CADM2: variants seen among roughly 807,000 people sequenced by gnomAD.
CADM2 encodes cell adhesion molecule 2, also known as immunoglobulin superfamily member 4D.
A neutral mutation model predicts 49.8 loss-of-function variants in CADM2; 12 were observed. That is an observed-to-expected ratio of 0.24 (90% CI 0.15 to 0.39). CADM2 has a LOEUF of 0.39. CADM2 is among the 10% of genes least tolerant of loss of function. CADM2 has a pLI of 1.00. For missense variants in CADM2, 378 were observed against 492.3 expected, an observed-to-expected ratio of 0.77 and a Z score of 2.20; for synonymous variants, 214 against 175.4, an observed-to-expected ratio of 1.22 and a Z score of -1.74.
chr3:85,368,149 T>A (rs978096027), intron 1 of CADM2, among the ~76,000 whole-genome samples: 1 of 152,100 alleles, frequency 6.6e-6, no homozygotes, highest in Non-Finnish European at 1.5e-5. Context: ...ATTTTGTGTT[T>A]GACCAGAGCC....
At chr3:86,025,327 G>A (rs1733755980) in intron 8 of CADM2, among the ~76,000 whole-genome samples, 1 of 152,128 alleles carries the variant, frequency 6.6e-6, no homozygotes, top group East Asian at 1.9e-4. Context: ...AAAGTGCAGG[G>A]ATTACAGGCA....
chr3:85,040,416 C>A (rs557486190), intron 1 of CADM2, among the ~76,000 whole-genome samples: 1 of 152,016 alleles, frequency 6.6e-6, no homozygotes, highest in East Asian at 1.9e-4. Flanking sequence ...CTGCTGTTAC[C>A]TGCAACTGAA....
intron 1 of CADM2, among the ~76,000 whole-genome samples, chr3:85,519,466 G>T (rs1389117325): frequency 6.6e-6 from 1 of 151,716 alleles, no homozygotes; most frequent in Non-Finnish European, 1.5e-5. Flanking sequence ...ATATAACCTG[G>T]TTCTTCCACT....
chr3:85,622,127 G>A (rs974264300), intron 1 of CADM2, among the ~76,000 whole-genome samples: 1 of 152,172 alleles, frequency 6.6e-6, no homozygotes, highest in Non-Finnish European at 1.5e-5. Context: ...GGAAACTATA[G>A]ATTCTTACAA....
intron 8 of CADM2, among the ~76,000 whole-genome samples, chr3:86,046,992 A>T (rs1736764036): frequency 2.0e-5 from 3 of 151,980 alleles, no homozygotes; most frequent in South Asian, 4.1e-4. Context: ...AAATTTGGGT[A>T]TTCTATAATA....
chr3:85,221,049 A>AGTAAAGAAT (rs1333759536), intron 1 of CADM2, among the ~76,000 whole-genome samples: 1 of 152,180 alleles, frequency 6.6e-6, no homozygotes, highest in Non-Finnish European at 1.5e-5. Flanking sequence ...TAATGCCCAG[A>AGTAAAGAAT]GTAAAGAATC....
At chr3:85,192,348 G>A (rs2041229279) in intron 1 of CADM2, among the ~76,000 whole-genome samples, 1 of 151,928 alleles carries the variant, frequency 6.6e-6, no homozygotes, top group African/African-American at 2.4e-5. Context: ...ATTTCTGTAT[G>A]TCATGTTGAC....
At position 84,996,105 on chromosome 3, in the gene CADM2, GT is replaced by G. The variant is rs1252794631; in HGVS notation, c.61+36440del. 5.3e-5 allele frequency among the ~76,000 whole-genome samples: 8 copies of G among 152,234 alleles called. No individual in the cohort carries two copies. The East Asian group carries it at 1.5e-3, about 29-fold the overall frequency. ...CCCAACCCTGTTTGCTGCTGGGATT[GT>G]TTAGTTCATGAGTCCAGGGTTTCAG... On this transcript the variant is annotated intron_variant, in intron 1 of 9. Transcript: ENST00000383699.
chr3:85,430,680 G>T (rs1220998130), intron 1 of CADM2, among the ~76,000 whole-genome samples: 1 of 146,388 alleles, frequency 6.8e-6, no homozygotes, highest in African/African-American at 2.5e-5. Context: ...GAAAGACAGA[G>T]AAAAGAAACA....
chr3:85,278,197 A>C (rs1365045120), intron 1 of CADM2, among the ~76,000 whole-genome samples: 1 of 151,314 alleles, frequency 6.6e-6, no homozygotes, highest in Non-Finnish European at 1.5e-5. Context: ...ACTAAAGATA[A>C]ATTTATTATT....
chr3:85,102,762 A>G (rs2038060590), intron 1 of CADM2, among the ~76,000 whole-genome samples: 1 of 152,178 alleles, frequency 6.6e-6, no homozygotes, highest in Admixed American at 6.6e-5. Flanking sequence ...AGTTTATAGA[A>G]TAAGATAAAC....
chr3:85,008,397 A>T (rs1417048244), intron 1 of CADM2, among the ~76,000 whole-genome samples: 2 of 152,138 alleles, frequency 1.3e-5, no homozygotes, highest in Non-Finnish European at 2.9e-5. Flanking sequence ...TGCATGTTGA[A>T]TTACCTTACA....
intron 6 of CADM2, among the ~76,000 whole-genome samples, chr3:85,918,607 A>G (rs1156769461): frequency 6.6e-6 from 1 of 152,122 alleles, no homozygotes; most frequent in Non-Finnish European, 1.5e-5. Context: ...ATATTGGTCT[A>G]AAATTCTCTT....
intron 7 of CADM2, among the ~76,000 whole-genome samples, chr3:85,950,728 A>AT (rs1295024701): frequency 6.6e-6 from 1 of 151,070 alleles, no homozygotes; most frequent in Non-Finnish European, 1.5e-5. Context: ...ATAGAAGTCC[A>AT]TTTTTTATTT....
intron 1 of CADM2, among the ~76,000 whole-genome samples, chr3:85,118,495 A>G (rs947841550): frequency 2.6e-5 from 4 of 152,116 alleles, no homozygotes; most frequent in Non-Finnish European, 5.9e-5. Flanking sequence ...AGGCAAAGAG[A>G]GAGCCTGTGC....
intron 1 of CADM2, among the ~76,000 whole-genome samples, chr3:85,691,724 C>G (rs185249005): frequency 1.2e-4 from 19 of 152,172 alleles, no homozygotes; most frequent in African/African-American, 3.4e-4. Context: ...TGGAACCAAC[C>G]CAAATGTCCA....
intron 1 of CADM2, among the ~76,000 whole-genome samples, chr3:85,053,014 A>G (rs1250428407): frequency 6.6e-6 from 1 of 152,032 alleles, no homozygotes; most frequent in Non-Finnish European, 1.5e-5. Context: ...CCAGTACTGT[A>G]CTAAAGAAAC....
intron 2 of CADM2, among the ~76,000 whole-genome samples, chr3:85,773,227 G>A (rs1238873547): frequency 6.6e-6 from 1 of 152,046 alleles, no homozygotes; most frequent in Middle Eastern, 3.4e-3. Flanking sequence ...ATAGCAGAGT[G>A]GTGTGAAACT....
chr3:85,704,199 C>T (rs1362456301), intron 1 of CADM2, among the ~76,000 whole-genome samples: 1 of 152,186 alleles, frequency 6.6e-6, no homozygotes, highest in Non-Finnish European at 1.5e-5. Context: ...GTGCCTACTA[C>T]ATGACAACTT....
Sources: gnomAD v4.1 joint callset for allele counts (sites outside exome capture counted in the v4.1 genomes callset) on GRCh38, gnomAD v4.1.1 for gene constraint, MANE v1.5 for transcripts, NCBI Gene and HGNC (gene_info 2026-07-23, HGNC 2026-07-21) for gene names.